The following TMTC3 variants were observed in gnomAD, a reference collection of about 807,000 sequenced individuals.
TMTC3 encodes transmembrane O-mannosyltransferase targeting cadherins 3.
TMTC3 carries 52 observed loss-of-function variants against 92.2 expected under a neutral mutation model. That is an observed-to-expected ratio of 0.56 (90% CI 0.45 to 0.71). The LOEUF (loss-of-function observed/expected upper bound fraction) is 0.71. Among genes scored for constraint, TMTC3 ranks in the 30% least tolerant of loss-of-function variants. TMTC3 has a pLI of 0.00. For missense variants in TMTC3, 896 were observed against 1,057.1 expected, an observed-to-expected ratio of 0.85 and a Z score of 2.11; for synonymous variants, 339 against 363.3, an observed-to-expected ratio of 0.93 and a Z score of 0.76.
At chr12:88,174,493 T>A (rs1203153911) in intron 8 of TMTC3, 114 bp from the exon 9 acceptor site, 29 of 1,214,992 alleles carry the variant, frequency 2.4e-5, no homozygotes, top group Non-Finnish European at 3.1e-5. Flanking sequence ...TAGAATAAAT[T>A]AACATATGAT....
chr12:88,195,205 T>G lies in TMTC3; in HGVS notation c.2301T>G (p.Asp767Glu), dbSNP rs1278359982. 1.2e-6 allele frequency: 2 copies of G among 1,613,746 alleles called. No homozygotes were observed. Among genetic ancestry groups the G allele is most frequent in the African/African-American group, 1.3e-5 (1 of 74,914 alleles). ...GTTTTGAAAGGATTTTGGAGATGGA[T>G]CCAAGCAATGTGCAAGGAAAACACA... ...KKCFERILEM[D>E]PSNVQGKHNL... The change falls in exon 14 of 14, where the codon GAT becomes GAG. Residue 767 changes from aspartate (D) to glutamate (E), a missense_variant. By Grantham distance (45) the Asp-to-Glu change is conservative. Transcript: ENST00000266712.
At chr12:88,158,856 A>G (rs1273971344) in intron 4 of TMTC3, among the ~76,000 whole-genome samples, 3 of 152,068 alleles carry the variant, frequency 2.0e-5, no homozygotes, top group Non-Finnish European at 4.4e-5. Flanking sequence ...GTTCAAGACC[A>G]GCCTGACCAA....
At chr12:88,184,020 C>A (rs1389777248) in intron 10 of TMTC3, among the ~76,000 whole-genome samples, 1 of 152,092 alleles carries the variant, frequency 6.6e-6, no homozygotes, top group East Asian at 1.9e-4. Flanking sequence ...CAGCCTTCCT[C>A]ACACGGGGCA....
chr12:88,160,696 AT>A lies in TMTC3; in HGVS notation c.643del (p.Cys215ValfsTer22). On this transcript the variant is annotated frameshift_variant, in exon 6 of 14. Coordinates refer to ENST00000266712, the MANE Select transcript of TMTC3 (RefSeq NM_181783.4). LOFTEE classifies it high-confidence loss of function. The stretch of plus-strand genomic sequence containing the variant: ...TTTTTCAGTATACTTTGCCATTACT[AT>A]GTACTACTGCTGGACAGTTTCTCCG... ...IAQGYTLPLLCTTAGQFLRGK... is the reference protein window; with the variant it reads ...IAQGYTLPLLXTTAGQFLRGK... The A allele has an allele frequency of 6.2e-7, 1 of 1,613,118 alleles. No homozygotes were observed. The highest frequency in any genetic ancestry group is 8.5e-7 in the Non-Finnish European group (1 of 1,179,626).
chr12:88,171,580 AT>A (rs2041205464), intron 7 of TMTC3, among the ~76,000 whole-genome samples: 1 of 151,982 alleles, frequency 6.6e-6, no homozygotes, highest in Non-Finnish European at 1.5e-5. Context: ...TATGTACCAC[AT>A]TTTTTTCATC....
Position 88,166,586 on chromosome 12 carries a change from A to T in TMTC3, c.1050+4A>T. 6.2e-7 allele frequency: 1 copy of T among 1,606,044 alleles called. No homozygotes were observed. The highest frequency in any genetic ancestry group is 8.5e-7 in the Non-Finnish European group (1 of 1,177,220). ...TTCCTCCAAGACTGTTTTAATGGTA[A>T]GAAACTTTTCTTAACTTCCAAATGA... On this transcript the variant is annotated splice_donor_region_variant and intron_variant, in intron 7 of 13. Transcript: ENST00000266712.
chr12:88,166,136 C>A (rs1436844270), intron 6 of TMTC3, among the ~76,000 whole-genome samples, 194 bp from the exon 7 acceptor site: 1 of 152,086 alleles, frequency 6.6e-6, no homozygotes, highest in African/African-American at 2.4e-5. Flanking sequence ...AATATCACTT[C>A]TCTGAAGTAG....
chr12:88,189,613 A>C (rs1006126168), intron 11 of TMTC3, among the ~76,000 whole-genome samples: 1 of 152,154 alleles, frequency 6.6e-6, no homozygotes, highest in Non-Finnish European at 1.5e-5. Context: ...TATTGTGTCC[A>C]TCAGTTGTTA....
intron 4 of TMTC3, among the ~76,000 whole-genome samples, chr12:88,159,422 C>T (rs2041049610): frequency 6.6e-6 from 1 of 151,866 alleles, no homozygotes; most frequent in East Asian, 1.9e-4. Flanking sequence ...GCCTGGAATC[C>T]CAGCATGGTG....
chr12:88,171,775 G>A (rs1198883656), intron 7 of TMTC3, among the ~76,000 whole-genome samples: 1 of 151,986 alleles, frequency 6.6e-6, no homozygotes, highest in East Asian at 1.9e-4. Context: ...TTTTTGAGAA[G>A]CCTTCCTACT....
rs559855332 is a variant in TMTC3 at position 88,182,254 on chromosome 12, G to A, written c.1432+5935G>A. On this transcript the variant is annotated intron_variant, in intron 10 of 13. Transcript: ENST00000266712. ...TAATCCTGTTGGGGAATGTTTAGTA[G>A]GGAAAACAAACAATTGAACTGAATA... is the stretch of plus-strand genomic sequence containing the variant. Among the ~76,000 whole-genome samples the A allele has an allele frequency of 4.4e-3, 674 of 152,336 alleles. 4 individuals are homozygous for A. Among genetic ancestry groups the A allele is most frequent in the African/African-American group, 0.015 (639 of 41,580 alleles).
At position 88,188,958 on chromosome 12, in the gene TMTC3, T is replaced by C. The variant is rs1303398552; in HGVS notation, c.1536+12T>C. 7.0e-7 allele frequency: 1 copy of C among 1,426,698 alleles called. No homozygotes were observed. The highest frequency in any genetic ancestry group is 9.8e-7 in the Non-Finnish European group (1 of 1,020,192). 88.4% of individuals were successfully genotyped at this position (1,426,698 alleles called of 1,614,324 possible). A position where few individuals can be genotyped will look rare whatever the true frequency, so the allele number is the denominator to read the frequency against. ...CACTGATGCCTCAAGTAAGTTGCCA[T>C]AATTTATCTATTGTGTCATATCTAT... On this transcript the variant is annotated intron_variant, in intron 11 of 13. Transcript: ENST00000266712.
In TMTC3 at chr12:88,194,791, T is replaced by A. The variant is rs2041488753; in HGVS notation, c.1934-47T>A. ...TGAAAATGGCTTTGTTCCTCACATT[T>A]AATTATTTTATTAACAATATATTTT... On this transcript the variant is annotated intron_variant, in intron 13 of 13. Coordinates refer to ENST00000266712, the MANE Select transcript of TMTC3 (RefSeq NM_181783.4). 2.4e-6 allele frequency: 3 copies of A among 1,231,388 alleles called. No homozygotes were observed. In the Admixed American group the frequency reaches 8.4e-5, roughly 35 times the overall value. 76.3% of individuals were successfully genotyped at this position (1,231,388 alleles called of 1,614,324 possible).
rs2041544386 is a variant in TMTC3 at position 88,198,679 on chromosome 12, C to A, written c.*3030C>A. 2.9e-6 allele frequency: 1 copy of A among 339,094 alleles called. No individual in the cohort carries two copies. The highest frequency in any genetic ancestry group is 5.3e-6 in the Non-Finnish European group (1 of 189,330). The allele number at this position is 339,094 out of a possible 1,614,324, so 21.0% of individuals were successfully genotyped here. On this transcript the variant is annotated 3_prime_UTR_variant, in exon 14 of 14. Coordinates refer to ENST00000266712, the MANE Select transcript of TMTC3 (RefSeq NM_181783.4). ...AATAAAACCTCATGCCTTTTCATTA[C>A]ATCTAATTTGAACTCTCAACTTCAT...
chr12:88,195,743 C>A lies in TMTC3; in HGVS notation c.*94C>A. ...AGCTTTGAAAAAAAGTTCAAGGGTT[C>A]CTAATGGTCAATCATGAGCTGCCTT... On this transcript the variant is annotated 3_prime_UTR_variant, in exon 14 of 14. Coordinates refer to ENST00000266712, the MANE Select transcript of TMTC3 (RefSeq NM_181783.4). The A allele has an allele frequency of 9.6e-7, 1 of 1,041,600 alleles. No individual in the cohort carries two copies. Among genetic ancestry groups the A allele is most frequent in the Non-Finnish European group, 1.4e-6 (1 of 729,650 alleles). 64.5% of individuals were successfully genotyped at this position (1,041,600 alleles called of 1,614,324 possible).
At chr12:88,156,748 A>G (rs902683261) in intron 4 of TMTC3, among the ~76,000 whole-genome samples, 1 of 151,324 alleles carries the variant, frequency 6.6e-6, no homozygotes, top group African/African-American at 2.4e-5. Flanking sequence ...ATCCCTCATA[A>G]CACTCACAGA....
chr12:88,195,319 A>C lies in TMTC3; in HGVS notation c.2415A>C (p.Glu805Asp). 2 of 1,613,926 alleles carry C rather than the reference A, an allele frequency of 1.2e-6. No individual in the cohort carries two copies. Among genetic ancestry groups the C allele is most frequent in the Non-Finnish European group, 1.7e-6 (2 of 1,179,890 alleles). ...LETLALAPHE[E>D]YIQRHLNIVR... is the part of the protein sequence containing the mutation. ...CACTGGCATTAGCACCACATGAAGA[A>C]TATATTCAGCGCCATTTGAATATAG... The change falls in exon 14 of 14, where the codon GAA becomes GAC. Residue 805 changes from glutamate to aspartate, a missense_variant. Physicochemically the swap from Glu to Asp is conservative, Grantham distance 45. Transcript: ENST00000266712.
chr12:88,160,122 C>T lies in TMTC3; in HGVS notation c.517C>T (p.Pro173Ser). Residue 173 changes from proline (P) to serine (S), a missense_variant, in exon 5 of 14, where the codon CCA becomes TCA. By Grantham distance (74) the Pro-to-Ser change is moderately conservative. Transcript: ENST00000266712. The part of the protein sequence containing the change: ...KGPDNSIIWT[P>S]IALTVFLVAV... ...CTGTTCTCAAATTGCAGTATGGACT[C>T]CAATTGCCTTGACAGTGTTTTTAGT... The T allele has an allele frequency of 6.4e-7, 1 of 1,571,888 alleles. No homozygotes were observed. Among genetic ancestry groups the T allele is most frequent in the Non-Finnish European group, 8.6e-7 (1 of 1,163,530 alleles).
intron 10 of TMTC3, among the ~76,000 whole-genome samples, chr12:88,178,981 T>C (rs1565954230): frequency 6.6e-6 from 1 of 152,196 alleles, no homozygotes; most frequent in Non-Finnish European, 1.5e-5. Context: ...AGTTTTTAAA[T>C]AATTTTTCCC....
Sources: gnomAD v4.1 joint callset for allele counts (sites outside exome capture counted in the v4.1 genomes callset) on GRCh38, gnomAD v4.1.1 for gene constraint, MANE v1.5 for transcripts, NCBI Gene and HGNC (gene_info 2026-07-23, HGNC 2026-07-21) for gene names.